Variants in APC2 observed in about 807,000 individuals in gnomAD.
APC2 encodes the protein adenomatous polyposis coli protein 2.
In APC2, 41 loss-of-function variants were observed where a neutral mutation model predicts 72.5. The observed-to-expected ratio is 0.57, with a 90% confidence interval of 0.44 to 0.73. APC2 has a LOEUF of 0.73. Ranked by LOEUF, APC2 falls within the 30% of genes least tolerant of loss-of-function variation. The pLI is 0.00. For synonymous variants in APC2, 1,898 were observed against 1,612.0 expected (o/e 1.18, Z -4.25); for missense variants, 3,729 against 3,403.4 (o/e 1.10, Z -2.38).
At chr19:1,449,361 G>A (rs112533564), upstream of APC2, among the ~76,000 whole-genome samples, 46 of 152,308 alleles carry the variant, frequency 3.0e-4, no homozygotes, top group African/African-American at 9.9e-4. Context: ...GGGACTCATG[G>A]AGCATCCAGG....
Position 1,470,201 on chromosome 19 carries a change from C to G in APC2, c.6900C>G (p.Thr2300=). Residue 2300 remains threonine (T), a synonymous_variant, in exon 15 of 15, where the codon ACC becomes ACG. Transcript: ENST00000590469. ...AEKAPATASA[T]LLE is the part of the protein sequence containing the mutation. ...AAGCCCCGGCCACTGCCTCCGCCAC[C>G]CTCCTGGAATAGTGGCCTAGGCCGG... 6.3e-7 allele frequency: 1 copy of G among 1,595,922 alleles called. No individual in the cohort carries two copies. Among genetic ancestry groups the G allele is most frequent in the Non-Finnish European group, 8.5e-7 (1 of 1,173,390 alleles).
At chr19:1,459,242 T>C (rs1045180226) in intron 10 of APC2, among the ~76,000 whole-genome samples, 2 of 152,158 alleles carry the variant, frequency 1.3e-5, no homozygotes, top group East Asian at 3.9e-4. Flanking sequence ...TCTTGCTCTG[T>C]TGCCCATGCT....
At position 1,470,246 on chromosome 19, in the gene APC2, C is replaced by T; in HGVS notation, c.*33C>T. The stretch of plus-strand genomic sequence containing the variant: ...GGCCGGCCTTCTGGAACGTTCTCTC[C>T]CGGCCCTGCGGCGCGGTCTGGCTGC... On this transcript the variant is annotated 3_prime_UTR_variant, in exon 15 of 15. Transcript: ENST00000590469. The T allele has an allele frequency of 6.5e-7, 1 of 1,539,464 alleles. No homozygotes were observed. Among genetic ancestry groups the T allele is most frequent in the Non-Finnish European group, 8.7e-7 (1 of 1,145,214 alleles).
Position 1,452,934 on chromosome 19 carries a change from C to T in APC2, c.-18-50C>T. 5 of 1,580,448 alleles carry T rather than the reference C, an allele frequency of 3.2e-6. No individual in the cohort carries two copies. Among genetic ancestry groups the T allele is most frequent in the Non-Finnish European group, 4.3e-6 (5 of 1,163,462 alleles). Reference sequence around the variant, plus strand: ...GGGGCCGTCTGTCCGGAAGGCATCACCGCGCCCTCCCCAGACCATCAGCTG... The same window carrying T: ...GGGGCCGTCTGTCCGGAAGGCATCATCGCGCCCTCCCCAGACCATCAGCTG... On this transcript the variant is annotated intron_variant, in intron 1 of 14. Coordinates refer to ENST00000590469, the MANE Select transcript of APC2 (RefSeq NM_005883.3). The surrounding 1 kb of genome is among the most constrained non-coding windows in gnomAD (Gnocchi z 5.1).
Position 1,469,306 on chromosome 19 carries a change from C to A in APC2, c.6005C>A (p.Pro2002Gln). The A allele has an allele frequency of 7.1e-7, 1 of 1,415,608 alleles. No homozygotes were observed. The highest frequency in any genetic ancestry group is 2.5e-5 in the Admixed American group (1 of 39,582). The allele number at this position is 1,415,608 out of a possible 1,614,324, so 87.7% of individuals were successfully genotyped here. A position where few individuals can be genotyped will look rare whatever the true frequency, so the allele number is the denominator to read the frequency against. ...CAGCTAACCTTCATCAAGGAGTCGCCGGGCTTGCGGCGCCGCCGCTCCGAG... is the reference window on the plus strand; with the variant it reads ...CAGCTAACCTTCATCAAGGAGTCGCAGGGCTTGCGGCGCCGCCGCTCCGAG... ...RRQLTFIKES[P>Q]GLRRRRSELS... The change falls in exon 15 of 15, where the codon CCG (proline) becomes CAG (glutamine). Residue 2002 changes from proline to glutamine, a missense_variant. Transcript: ENST00000590469.
At chr19:1,457,264 G>T in intron 9 of APC2, 21 bp downstream of exon 9, 1 of 1,496,764 alleles carries the variant, frequency 6.7e-7, no homozygotes, top group Non-Finnish European at 8.9e-7. Context: ...GGCCTGGTGG[G>T]CCCCCTCCGC....
chr19:1,465,164 C>G lies in APC2; in HGVS notation c.1863C>G (p.Leu621=). The G allele has an allele frequency of 6.3e-7, 1 of 1,599,830 alleles. No individual in the cohort carries two copies. Among genetic ancestry groups the G allele is most frequent in the Non-Finnish European group, 8.5e-7 (1 of 1,174,232 alleles). The part of the protein sequence containing the change: ...VATREDYRQV[L]RDHNCLQTLL... The stretch of plus-strand genomic sequence containing the variant: ...CGCCCTGTGCCTACAGGCAGGTGCT[C>G]CGGGATCACAACTGTCTGCAGACGC... The change falls in exon 15 of 15, where the codon CTC becomes CTG. Residue 621 remains leucine (L), a synonymous_variant. Coordinates refer to ENST00000590469, the MANE Select transcript of APC2 (RefSeq NM_005883.3).
intron 14 of APC2, among the ~76,000 whole-genome samples, chr19:1,463,475 C>T (rs1174206522): frequency 6.8e-6 from 1 of 148,056 alleles, no homozygotes; most frequent in East Asian, 2.0e-4. Context: ...TCCAGCTACT[C>T]GGGAGGCTGA....
chr19:1,462,188 A>AT lies in APC2; in HGVS notation c.1853+11_1853+12insT. The AT allele has an allele frequency of 4.0e-6, 4 of 991,510 alleles. No homozygotes were observed. The highest frequency in any genetic ancestry group is 5.7e-6 in the Non-Finnish European group (4 of 705,312). The allele number at this position is 991,510 out of a possible 1,614,324, so 61.4% of individuals were successfully genotyped here. On this transcript the variant is annotated intron_variant, in intron 14 of 14. Transcript: ENST00000590469. Reference sequence around the variant, plus strand: ...CCGTGAGGACTACAGGTCGGCCCCCACCCCCCCACCCGCACACAGGCAGCT... The same window carrying AT: ...CCGTGAGGACTACAGGTCGGCCCCCATCCCCCCCACCCGCACACAGGCAGCT...
chr19:1,460,749 C>G, intron 11 of APC2, 31 bp from the exon 12 acceptor site: 1 of 1,605,710 alleles, frequency 6.2e-7, no homozygotes. Flanking sequence ...GTGTCCCAAC[C>G]CCGTGACCCC....
chr19:1,462,184 C>T lies in APC2; in HGVS notation c.1853+7C>T. ...CCACCCGTGAGGACTACAGGTCGGC[C>T]CCCACCCCCCCACCCGCACACAGGC... On this transcript the variant is annotated splice_region_variant and intron_variant, in intron 14 of 14. Transcript: ENST00000590469. 1 of 1,454,614 alleles carries T rather than the reference C, an allele frequency of 6.9e-7. No individual in the cohort carries two copies. The highest frequency in any genetic ancestry group is 9.3e-7 in the Non-Finnish European group (1 of 1,080,814). The allele number at this position is 1,454,614 out of a possible 1,614,324, so 90.1% of individuals were successfully genotyped here.
rs191676916 is a variant in APC2 at position 1,470,751 on chromosome 19, G to A, written c.*538G>A. ...GTAATTCGCTAATGAGGGCTTTGCA[G>A]GGATTGTTTTCATTCTCAGCCCCAG... On this transcript the variant is annotated 3_prime_UTR_variant, in exon 15 of 15. Transcript: ENST00000590469. 808 of 152,758 alleles carry A rather than the reference G, an allele frequency of 5.3e-3. 7 individuals carry two copies. Among genetic ancestry groups the A allele is most frequent in the Middle Eastern group, 0.017 (5 of 296 alleles). 9.5% of individuals were successfully genotyped at this position (152,758 alleles called of 1,614,324 possible). A position where few individuals can be genotyped will look rare whatever the true frequency, so the allele number is the denominator to read the frequency against.
Position 1,467,204 on chromosome 19 carries a change from CCCCG to C in APC2, c.3904_3907del (p.Pro1302SerfsTer277). ...AGCTGCGGCTGCTGCCCTCGGCCTGCCCCGAGCGCGGCGGGGGCGCCGGGGGCGC... is the reference window on the plus strand; with the variant it reads ...AGCTGCGGCTGCTGCCCTCGGCCTGCAGCGCGGCGGGGGCGCCGGGGGCGC... On this transcript the variant is annotated frameshift_variant, in exon 15 of 15. Coordinates refer to ENST00000590469, the MANE Select transcript of APC2 (RefSeq NM_005883.3). LOFTEE classifies it low-confidence loss of function (END_TRUNC). The C allele has an allele frequency of 7.0e-7, 1 of 1,432,666 alleles. No homozygotes were observed. The highest frequency in any genetic ancestry group is 1.6e-5 in the South Asian group (1 of 62,766). 88.7% of individuals were successfully genotyped at this position (1,432,666 alleles called of 1,614,324 possible).
At position 1,469,445 on chromosome 19, in the gene APC2, G is replaced by A. The variant is rs1178644910; in HGVS notation, c.6144G>A (p.Ala2048=). The A allele has an allele frequency of 1.0e-5, 12 of 1,158,630 alleles. No homozygotes were observed. The highest frequency in any genetic ancestry group is 1.3e-5 in the Non-Finnish European group (12 of 943,798). The allele number at this position is 1,158,630 out of a possible 1,614,324, so 71.8% of individuals were successfully genotyped here. A position where few individuals can be genotyped will look rare whatever the true frequency, so the allele number is the denominator to read the frequency against. Residue 2048 remains alanine, a synonymous_variant, in exon 15 of 15, where the codon GCG becomes GCA. Coordinates refer to ENST00000590469, the MANE Select transcript of APC2 (RefSeq NM_005883.3). ...CCTCGCGCTGCGAAGAGCTCCGAGCGGCACCCCGGCAGGGCCCGGCCCCGG... is the reference window on the plus strand; with the variant it reads ...CCTCGCGCTGCGAAGAGCTCCGAGCAGCACCCCGGCAGGGCCCGGCCCCGG... ...LCSSRCEELR[A]APRQGPAPAR...
Position 1,461,172 on chromosome 19 carries a change from G to A in APC2, c.1638+19G>A. 3.1e-6 allele frequency: 5 copies of A among 1,592,844 alleles called. No homozygotes were observed. The highest frequency in any genetic ancestry group is 1.1e-5 in the South Asian group (1 of 90,794). On this transcript the variant is annotated intron_variant, in intron 13 of 14. Transcript: ENST00000590469. ...CACCAAGGTGGGCACCCGGTGGGCG[G>A]CAGGGATGCTTCTTCAGTCACTGGA...
Position 1,470,392 on chromosome 19 carries a change from C to A in APC2, c.*179C>A, listed in dbSNP as rs1435463316. The A allele has an allele frequency of 3.2e-6, 3 of 940,226 alleles. No homozygotes were observed. The highest frequency in any genetic ancestry group is 4.5e-6 in the Non-Finnish European group (3 of 667,550). 58.2% of individuals were successfully genotyped at this position (940,226 alleles called of 1,614,324 possible). On this transcript the variant is annotated 3_prime_UTR_variant, in exon 15 of 15. Transcript: ENST00000590469. Reference sequence around the variant, plus strand: ...GCGACCTCGCGCCTCACCGGAAGACCTTGCCTCTGTGCCGCGGAGGTCCAG... The same window carrying A: ...GCGACCTCGCGCCTCACCGGAAGACATTGCCTCTGTGCCGCGGAGGTCCAG...
intron 10 of APC2, chr19:1,458,439 A>C (rs1013262548): frequency 9.0e-5 from 18 of 199,780 alleles, no homozygotes; most frequent in African/African-American, 4.2e-4. Context: ...TGTCAATATA[A>C]AAAGTAATTG....
At chr19:1,461,859 A>G in intron 13 of APC2, 104 bp from the exon 14 acceptor site, 1 of 1,015,468 alleles carries the variant, frequency 9.8e-7, no homozygotes, top group East Asian at 2.6e-5. Context: ...CTCAAAAAAA[A>G]AAAACAAAAA....
chr19:1,447,042 G>A (rs928493131), upstream of APC2, among the ~76,000 whole-genome samples: 4 of 152,132 alleles, frequency 2.6e-5, no homozygotes, highest in African/African-American at 7.2e-5. Context: ...TGCTGACGGA[G>A]GCGCACGTCT....
Sources: gnomAD v4.1 joint callset for allele counts (sites outside exome capture counted in the v4.1 genomes callset) on GRCh38, gnomAD v4.1.1 for gene constraint, Gnocchi (gnomAD v3.1) non-coding constraint, MANE v1.5 for transcripts, NCBI Gene and HGNC (gene_info 2026-07-23, HGNC 2026-07-21) for gene names.